The following DAP variants were observed in gnomAD, a reference collection of about 807,000 sequenced individuals.
DAP encodes the protein death-associated protein 1.
Under a neutral mutation model 13.8 loss-of-function variants are expected in DAP, and 8 were observed. That is an observed-to-expected ratio of 0.58 (90% CI 0.34 to 1.05). The LOEUF is 1.05. DAP is among the 50% of genes least tolerant of loss of function. DAP has a pLI of 0.03. For missense variants in DAP, 106 were observed against 133.2 expected, an observed-to-expected ratio of 0.80 and a Z score of 1.01; for synonymous variants, 47 against 47.5, an observed-to-expected ratio of 0.99 and a Z score of 0.04.
At chr5:10,682,017 C>T (rs1032615923) in intron 3 of DAP, among the ~76,000 whole-genome samples, 7 of 149,602 alleles carry the variant, frequency 4.7e-5, no homozygotes, top group African/African-American at 1.5e-4. Flanking sequence ...CCAGCAGCCA[C>T]CAGCATCCCT....
In DAP at chr5:10,707,950, T is replaced by TTCTTAAGAG. The variant is rs762001981; in HGVS notation, c.153-24388_153-24380dup. Among the ~76,000 whole-genome samples, 17 of 152,334 alleles carry TTCTTAAGAG rather than the reference T, an allele frequency of 1.1e-4. No individual in the cohort carries two copies. The highest frequency in any genetic ancestry group is 2.9e-4 in the African/African-American group (12 of 41,574). ...CTCTAATTCTTATTTAGGCTTGAAATTCTTAAGAGTTGGATGCTACACTGA... is the reference window on the plus strand; with the variant it reads ...CTCTAATTCTTATTTAGGCTTGAAATTCTTAAGAGTCTTAAGAGTTGGATGCTACACTGA... On this transcript the variant is annotated intron_variant, in intron 2 of 3. Coordinates refer to ENST00000230895, the MANE Select transcript of DAP (RefSeq NM_004394.3). The surrounding 1 kb of genome is among the most constrained non-coding windows in gnomAD (Gnocchi z 4.0).
chr5:10,685,733 G>A (rs954847641), intron 2 of DAP, among the ~76,000 whole-genome samples: 1 of 152,098 alleles, frequency 6.6e-6, no homozygotes, highest in Non-Finnish European at 1.5e-5. Context: ...ACCTGCTGAG[G>A]CTCTGAAAGG....
chr5:10,704,600 T>C (rs536104903), intron 2 of DAP, among the ~76,000 whole-genome samples: 5 of 152,284 alleles, frequency 3.3e-5, no homozygotes, highest in African/African-American at 7.2e-5. Flanking sequence ...TAGAGTAAAA[T>C]TGGATTCATT....
chr5:10,754,438 T>C (rs1158106908), intron 1 of DAP, among the ~76,000 whole-genome samples: 2 of 152,188 alleles, frequency 1.3e-5, no homozygotes, highest in African/African-American at 4.8e-5. Context: ...CTCAGAATCA[T>C]AGACTGTGAA....
chr5:10,702,819 G>C (rs1027237219), intron 2 of DAP, among the ~76,000 whole-genome samples: 4 of 152,134 alleles, frequency 2.6e-5, no homozygotes, highest in African/African-American at 4.8e-5. Flanking sequence ...GAAAGACTAA[G>C]CATCAAAGGT....
intron 2 of DAP, among the ~76,000 whole-genome samples, chr5:10,741,025 G>C (rs895448361): frequency 3.9e-5 from 6 of 152,312 alleles, no homozygotes; most frequent in African/African-American, 1.4e-4. Context: ...GTCTTCACAA[G>C]TCTATGTTTA....
intron 2 of DAP, among the ~76,000 whole-genome samples, chr5:10,726,185 C>A (rs1436025263): frequency 2.0e-5 from 3 of 152,238 alleles, no homozygotes; most frequent in African/African-American, 7.2e-5. Context: ...CTCTCTTCCG[C>A]CTCCCCTCTG....
intron 2 of DAP, among the ~76,000 whole-genome samples, chr5:10,732,734 G>A (rs1349084011): frequency 6.6e-6 from 1 of 152,136 alleles, no homozygotes; most frequent in Non-Finnish European, 1.5e-5. Context: ...AGCTTTTTGA[G>A]GGTCCATCAA....
intron 2 of DAP, 143 bp from the exon 3 acceptor site, chr5:10,683,714 T>C: frequency 1.3e-6 from 1 of 757,468 alleles, no homozygotes; most frequent in Non-Finnish European, 2.3e-6. Flanking sequence ...GCGTTATTTG[T>C]TGTAATGATC....
chr5:10,688,553 A>G (rs1209842904), intron 2 of DAP, among the ~76,000 whole-genome samples: 2 of 152,192 alleles, frequency 1.3e-5, no homozygotes, highest in Admixed American at 1.3e-4. Flanking sequence ...AGACCCTGCA[A>G]TATCTCTGAG....
At chr5:10,714,331 TCA>T (rs1738927687) in intron 2 of DAP, among the ~76,000 whole-genome samples, 1 of 152,156 alleles carries the variant, frequency 6.6e-6, no homozygotes, top group African/African-American at 2.4e-5. Flanking sequence ...TCAATAGAAA[TCA>T]CAGATATTAA....
chr5:10,691,713 C>CT (rs1738311562), intron 2 of DAP, among the ~76,000 whole-genome samples: 2 of 152,324 alleles, frequency 1.3e-5, no homozygotes, highest in East Asian at 3.9e-4. Context: ...CCTTTCCAGA[C>CT]TTTAAAAACT....
intron 2 of DAP, among the ~76,000 whole-genome samples, chr5:10,702,325 T>C (rs1738599346): frequency 6.6e-6 from 1 of 152,218 alleles, no homozygotes; most frequent in South Asian, 2.1e-4. Context: ...TGTTGCTCAT[T>C]TCTTAGGAAT....
chr5:10,743,945 T>C (rs1226892554), intron 2 of DAP, among the ~76,000 whole-genome samples: 1 of 152,172 alleles, frequency 6.6e-6, no homozygotes. Flanking sequence ...GCATAAGAAA[T>C]TACGTTTAAG....
chr5:10,760,950 G>GCGCCCCCGGGTTCGAGCC (rs1261932366), intron 1 of DAP, 64 bp downstream of exon 1: 1 of 1,082,372 alleles, frequency 9.2e-7, no homozygotes, highest in African/African-American at 1.7e-5. Flanking sequence ...CCCCCGCCCG[G>GCGCCCCCGGGTTCGAGCC]CGCCCCCGGG....
At chr5:10,684,854 A>G (rs1738116831) in intron 2 of DAP, among the ~76,000 whole-genome samples, 1 of 152,158 alleles carries the variant, frequency 6.6e-6, no homozygotes, top group Non-Finnish European at 1.5e-5. Context: ...AGGTCAGCCC[A>G]GCTGGGACAG....
intron 2 of DAP, among the ~76,000 whole-genome samples, chr5:10,728,221 A>T (rs577608331): frequency 6.6e-6 from 1 of 152,334 alleles, no homozygotes; most frequent in South Asian, 2.1e-4. Context: ...TTTGTTTACA[A>T]ATATTTATTC....
At chr5:10,720,713 T>C (rs532391361) in intron 2 of DAP, among the ~76,000 whole-genome samples, 2 of 152,330 alleles carry the variant, frequency 1.3e-5, no homozygotes, top group South Asian at 4.1e-4. Context: ...AGACCAACAC[T>C]GAGCCCTCAA....
intron 3 of DAP, 188 bp downstream of exon 3, chr5:10,683,341 A>T: frequency 1.4e-6 from 1 of 703,162 alleles, no homozygotes; most frequent in Non-Finnish European, 2.5e-6. Flanking sequence ...AAAGGATGCG[A>T]GTCTGGCCTG....
Sources: allele counts gnomAD v4.1 joint callset (sites outside exome capture counted in the v4.1 genomes callset), GRCh38; gene constraint gnomAD v4.1.1; non-coding constraint Gnocchi (gnomAD v3.1); transcripts MANE v1.5; gene names NCBI Gene and HGNC (gene_info 2026-07-23, HGNC 2026-07-21).